The following LPAR1 variants were observed in gnomAD, a reference collection of about 807,000 sequenced individuals.
The protein encoded by LPAR1 is lysophosphatidic acid receptor 1.
In LPAR1, 5 loss-of-function variants were observed where a neutral mutation model predicts 23.8. The observed-to-expected ratio is 0.21, with a 90% CI of 0.11 to 0.44. The LOEUF is 0.44. LPAR1 is among the 20% of genes least tolerant of loss of function. The pLI, the probability that LPAR1 is intolerant of heterozygous loss-of-function variation, is 0.99. For synonymous variants in LPAR1, 160 were observed against 164.7 expected, an observed-to-expected ratio of 0.97 and a Z score of 0.22; for missense variants, 311 against 482.8, an observed-to-expected ratio of 0.64 and a Z score of 3.33.
At chr9:110,959,650 T>C (rs1392308550) in intron 4 of LPAR1, among the ~76,000 whole-genome samples, 1 of 151,514 alleles carries the variant, frequency 6.6e-6, no homozygotes, top group African/African-American at 2.4e-5. Flanking sequence ...CAAAAAAAAG[T>C]AGAAGAGGAA....
intron 2 of LPAR1, among the ~76,000 whole-genome samples, chr9:111,024,521 T>C (rs1237625343): frequency 6.8e-6 from 1 of 147,422 alleles, no homozygotes; most frequent in Non-Finnish European, 1.5e-5. Context: ...TATATATTTA[T>C]ATATATGGGA....
At chr9:110,909,265 G>C (rs538418974) in intron 5 of LPAR1, among the ~76,000 whole-genome samples, 4 of 152,326 alleles carry the variant, frequency 2.6e-5, no homozygotes, top group African/African-American at 9.6e-5. Flanking sequence ...GACTTTCTGT[G>C]CAGTGGGCAG....
At chr9:110,987,855 G>A (rs1374858253) in intron 2 of LPAR1, among the ~76,000 whole-genome samples, 1 of 151,708 alleles carries the variant, frequency 6.6e-6, no homozygotes, top group Non-Finnish European at 1.5e-5. Flanking sequence ...GAAAAAACAA[G>A]GCTAAAAATA....
At chr9:110,882,169 C>A (rs1392950706) in intron 5 of LPAR1, among the ~76,000 whole-genome samples, 1 of 152,186 alleles carries the variant, frequency 6.6e-6, no homozygotes, top group East Asian at 1.9e-4. Context: ...AATGATATAT[C>A]CTTTATTTAT....
intron 5 of LPAR1, among the ~76,000 whole-genome samples, chr9:110,919,819 C>T (rs1209065198): frequency 6.6e-6 from 1 of 152,128 alleles, no homozygotes; most frequent in Non-Finnish European, 1.5e-5. Flanking sequence ...ATGTTTAACC[C>T]AGACAGCCTG....
intron 2 of LPAR1, among the ~76,000 whole-genome samples, chr9:110,989,879 T>C (rs574361177): frequency 1.3e-5 from 2 of 151,750 alleles, no homozygotes; most frequent in Admixed American, 6.6e-5. Context: ...AAGACACAAA[T>C]AGATTAAAAG....
intron 2 of LPAR1, among the ~76,000 whole-genome samples, chr9:111,012,436 A>C (rs2097349394): frequency 6.7e-6 from 1 of 150,260 alleles, no homozygotes; most frequent in African/African-American, 2.5e-5. Context: ...TGTTTTAACA[A>C]ACACAAACAC....
intron 5 of LPAR1, among the ~76,000 whole-genome samples, chr9:110,922,372 T>C (rs1413962575): frequency 1.3e-5 from 2 of 152,170 alleles, no homozygotes; most frequent in South Asian, 2.1e-4. Flanking sequence ...ATATGATATC[T>C]GCTATAATAA....
chr9:111,033,988 G>A (rs1466174360), intron 2 of LPAR1, among the ~76,000 whole-genome samples: 2 of 152,200 alleles, frequency 1.3e-5, no homozygotes, highest in South Asian at 4.1e-4. Flanking sequence ...CAGAGGTACT[G>A]GGGAGCAAGT....
intron 4 of LPAR1, among the ~76,000 whole-genome samples, chr9:110,949,926 T>C (rs960822003): frequency 6.6e-6 from 1 of 151,942 alleles, no homozygotes; most frequent in South Asian, 2.1e-4. Flanking sequence ...CTCTAACAAA[T>C]TGAAAGAGAG....
intron 4 of LPAR1, among the ~76,000 whole-genome samples, chr9:110,953,335 C>T (rs574787087): frequency 6.6e-4 from 101 of 152,266 alleles, no homozygotes; most frequent in Middle Eastern, 3.4e-3. Flanking sequence ...GCCACAGCCT[C>T]CACAACCAAC....
At chr9:110,880,367 C>T (rs2080412874) in intron 5 of LPAR1, among the ~76,000 whole-genome samples, 1 of 152,106 alleles carries the variant, frequency 6.6e-6, no homozygotes, top group South Asian at 2.1e-4. Context: ...TCAAATCTAT[C>T]CAACCTCATC....
chr9:110,982,931 T>C (rs2096705118), intron 2 of LPAR1, among the ~76,000 whole-genome samples: 1 of 147,972 alleles, frequency 6.8e-6, no homozygotes, highest in South Asian at 2.1e-4. Flanking sequence ...ACATCACTAA[T>C]CATCAGTAAA....
At chr9:110,911,029 G>C (rs951146219) in intron 5 of LPAR1, among the ~76,000 whole-genome samples, 2 of 152,180 alleles carry the variant, frequency 1.3e-5, no homozygotes, top group African/African-American at 4.8e-5. Context: ...GGTTTGAGAG[G>C]ATTGACTCAG....
chr9:110,954,576 C>CA (rs942109282), intron 4 of LPAR1, among the ~76,000 whole-genome samples: 5 of 152,022 alleles, frequency 3.3e-5, no homozygotes, highest in African/African-American at 9.6e-5. Flanking sequence ...TCAAGAAAAA[C>CA]AAAAAGCATC....
At chr9:110,957,374 ACC>A (rs2095799616) in intron 4 of LPAR1, among the ~76,000 whole-genome samples, 9 of 151,312 alleles carry the variant, frequency 5.9e-5, no homozygotes, top group Non-Finnish European at 1.2e-4. Context: ...ATAATAATGC[ACC>A]ATGCACCATG....
chr9:110,925,828 C>T (rs1022080860), intron 5 of LPAR1, among the ~76,000 whole-genome samples: 1 of 152,230 alleles, frequency 6.6e-6, no homozygotes, highest in South Asian at 2.1e-4. Context: ...GGAGACAGTA[C>T]TCTACCCAGT....
chr9:111,029,598 A>G (rs1378315697), intron 2 of LPAR1, among the ~76,000 whole-genome samples: 1 of 151,988 alleles, frequency 6.6e-6, no homozygotes, highest in Non-Finnish European at 1.5e-5. Context: ...AGGCTGACTT[A>G]CCCTCTCCAT....
intron 5 of LPAR1, among the ~76,000 whole-genome samples, chr9:110,916,012 T>G (rs200764475): frequency 1.3e-4 from 2 of 15,358 alleles, no homozygotes; most frequent in Admixed American, 7.2e-4. Context: ...AACCTTATGG[T>G]TAAAATGTTA....
Sources: gnomAD v4.1 joint callset for allele counts (sites outside exome capture counted in the v4.1 genomes callset) on GRCh38, gnomAD v4.1.1 for gene constraint, MANE v1.5 for transcripts, NCBI Gene and HGNC (gene_info 2026-07-23, HGNC 2026-07-21) for gene names.